Variants in ARMCX4 observed in about 807,000 individuals in gnomAD.
ARMCX4 encodes armadillo repeat-containing X-linked protein 4.
A neutral mutation model predicts 34.7 loss-of-function variants in ARMCX4; 3 were observed. The observed-to-expected ratio is 0.09, with a 90% CI of 0.04 to 0.22. The LOEUF (loss-of-function observed/expected upper bound fraction) is 0.22. Among genes scored for constraint, ARMCX4 ranks in the 10% least tolerant of loss-of-function variants. The probability of loss-of-function intolerance (pLI) is 1.00; values close to 1 mark genes in which losing one functional copy is unlikely to be tolerated. For missense variants in ARMCX4, 1,448 were observed against 1,720.8 expected, an observed-to-expected ratio of 0.84 and a Z score of 2.81; for synonymous variants, 513 against 632.8, an observed-to-expected ratio of 0.81 and a Z score of 2.84.
At position 101,490,278 on chromosome X, in the gene ARMCX4, T is replaced by C; in HGVS notation, c.1689T>C (p.Asp563=). The change falls in exon 6 of 6, where the codon GAT becomes GAC. Residue 563 remains aspartate (D), a synonymous_variant. Coordinates refer to ENST00000423738, the MANE Select transcript of ARMCX4 (RefSeq NM_001256155.3). ...AGACCCCAGCTGAGGCCTTGCTTGA[T>C]TCCAGGGTTGATGGTAGGGGCAATC... is the stretch of plus-strand genomic sequence containing the variant. ...GVKTPAEALL[D]SRVDGRGNPN... 1 of 1,152,742 alleles carries C rather than the reference T, an allele frequency of 8.7e-7. No homozygotes were observed. The highest frequency in any genetic ancestry group is 2.6e-5 in the Admixed American group (1 of 38,430). 95.0% of individuals were successfully genotyped at this position (1,152,742 alleles called of 1,213,427 possible). A position where few individuals can be genotyped will look rare whatever the true frequency, so the allele number is the denominator to read the frequency against.
intron 12 of ARMCX4, chrX:101,532,826 G>GA (rs1215095457): frequency 9.0e-6 from 1 of 111,504 alleles, no homozygotes; most frequent in Non-Finnish European, 1.9e-5. Flanking sequence ...CTGATTATAT[G>GA]AAAAATACTT....
intron 4 of ARMCX4, among the ~76,000 whole-genome samples, chrX:101,471,269 T>G (rs1309330253): frequency 8.9e-6 from 1 of 112,555 alleles, no homozygotes; most frequent in African/African-American, 3.2e-5. Context: ...GTTAATAATG[T>G]CTATGGATGA....
chrX:101,475,158 T>C (rs1468814725), intron 4 of ARMCX4, among the ~76,000 whole-genome samples: 1 of 108,324 alleles, frequency 9.2e-6, no homozygotes, highest in Non-Finnish European at 1.9e-5. Flanking sequence ...AAAATAATAA[T>C]AAAAAAATAA....
At chrX:101,482,388 A>ATTCTT (rs76465820), upstream of ARMCX4, among the ~76,000 whole-genome samples, 2,141 of 107,778 alleles carry the variant, frequency 0.02, 62 homozygotes, top group African/African-American at 0.067. Context: ...GGGTTTGACT[A>ATTCTT]TTCTTTTCTT....
At chrX:101,420,353 C>T (rs1263376439) in intron 2 of ARMCX4, among the ~76,000 whole-genome samples, 2 of 109,690 alleles carry the variant, frequency 1.8e-5, no homozygotes, top group African/African-American at 3.3e-5. Context: ...AGTGGGCCTC[C>T]GTCTCAAAAA....
intron 4 of ARMCX4, among the ~76,000 whole-genome samples, chrX:101,475,189 C>G (rs2147636084): frequency 9.1e-6 from 1 of 109,904 alleles, no homozygotes; most frequent in Non-Finnish European, 1.9e-5. Context: ...GTGGTGCATG[C>G]CTGTAGTCCC....
chrX:101,514,437 C>CCA (rs782787598), intron 11 of ARMCX4, among the ~76,000 whole-genome samples: 17 of 111,966 alleles, frequency 1.5e-4, no homozygotes, highest in African/African-American at 4.9e-4. Flanking sequence ...GTAACTGAGT[C>CCA]TTCAAAAGGC....
At chrX:101,439,451 T>G (rs1294531025) in intron 2 of ARMCX4, among the ~76,000 whole-genome samples, 1 of 111,390 alleles carries the variant, frequency 9.0e-6, no homozygotes, top group Non-Finnish European at 1.9e-5. Context: ...TACAATTATG[T>G]GTCTTGGAGT....
intron 4 of ARMCX4, among the ~76,000 whole-genome samples, chrX:101,470,014 G>T (rs1347423750): frequency 8.9e-6 from 1 of 112,120 alleles, no homozygotes; most frequent in Non-Finnish European, 1.9e-5. Context: ...CTATGGGTTA[G>T]CCCTGTTCCG....
Position 101,512,764 on chromosome X carries a change from A to G in ARMCX4, c.*1780+1709A>G, listed in dbSNP as rs948758819. ...AATATATGTGTGTATACATACATAT[A>G]TATACACACATATATATATACACAT... On this transcript the variant is annotated intron_variant and NMD_transcript_variant, in intron 11 of 12. Coordinates refer to the ARMCX4 transcript ENST00000354842. Among the ~76,000 whole-genome samples, 14 of 105,948 alleles carry G rather than the reference A, an allele frequency of 1.3e-4. 1 individual carries two copies. Among genetic ancestry groups the G allele is most frequent in the Admixed American group, 7.2e-4 (7 of 9,707 alleles). 92.0% of individuals were successfully genotyped at this position (105,948 alleles called of 115,157 possible).
intron 11 of ARMCX4, among the ~76,000 whole-genome samples, chrX:101,511,748 C>A (rs994909056): frequency 6.3e-5 from 7 of 110,583 alleles, no homozygotes; most frequent in Non-Finnish European, 9.5e-5. Flanking sequence ...ACCTCAACCT[C>A]TGTAGGTACT....
At chrX:101,442,125 C>G (rs1555997021) in intron 2 of ARMCX4, among the ~76,000 whole-genome samples, 1 of 112,430 alleles carries the variant, frequency 8.9e-6, no homozygotes, top group Non-Finnish European at 1.9e-5. Context: ...CTGCTTCACC[C>G]AGCAAAGTGA....
chrX:101,503,968 G>A (rs1374193459), intron 7 of ARMCX4, among the ~76,000 whole-genome samples: 4 of 111,194 alleles, frequency 3.6e-5, no homozygotes, highest in Non-Finnish European at 7.6e-5. Flanking sequence ...TTTGTATAAG[G>A]TGTAAGGAAG....
At chrX:101,534,116 C>T (rs1823684429), downstream of ARMCX4, among the ~76,000 whole-genome samples, 1 of 111,575 alleles carries the variant, frequency 9.0e-6, no homozygotes. Context: ...ATAAACTTAA[C>T]AAAAAAATCT....
At chrX:101,430,342 T>G (rs1277969973) in intron 2 of ARMCX4, among the ~76,000 whole-genome samples, 3 of 112,256 alleles carry the variant, frequency 2.7e-5, no homozygotes, top group Non-Finnish European at 3.8e-5. Context: ...ATTTGTTGAA[T>G]GATTGCTCTG....
intron 4 of ARMCX4, among the ~76,000 whole-genome samples, chrX:101,454,898 C>T (rs1932191708): frequency 9.0e-6 from 1 of 111,260 alleles, no homozygotes; most frequent in Non-Finnish European, 1.9e-5. Context: ...ACTGTACTCT[C>T]ACATGGTAGA....
At chrX:101,423,669 G>A in intron 2 of ARMCX4, among the ~76,000 whole-genome samples, 1 of 110,396 alleles carries the variant, frequency 9.1e-6, no homozygotes, top group African/African-American at 3.3e-5. Flanking sequence ...GCATGCTAAT[G>A]AGATAACTGG....
At chrX:101,423,988 C>T (rs1348570115) in intron 2 of ARMCX4, among the ~76,000 whole-genome samples, 21 of 111,288 alleles carry the variant, frequency 1.9e-4, no homozygotes, top group African/African-American at 6.9e-4. Context: ...CTCAGCCTCC[C>T]AAGTAGCTGG....
At chrX:101,471,969 C>T (rs782399840) in intron 4 of ARMCX4, among the ~76,000 whole-genome samples, 2,398 of 95,470 alleles carry the variant, frequency 0.025, 96 homozygotes, top group African/African-American at 0.09. Flanking sequence ...ATGACTTTGA[C>T]GAGCTGAGAG....
Sources: allele counts gnomAD v4.1 joint callset (sites outside exome capture counted in the v4.1 genomes callset), GRCh38; gene constraint gnomAD v4.1.1; transcripts MANE v1.5; gene names NCBI Gene and HGNC (gene_info 2026-07-23, HGNC 2026-07-21).